Variants in ARAP2 observed in about 807,000 individuals in gnomAD.
The protein encoded by ARAP2 is ArfGAP with RhoGAP domain, ankyrin repeat and PH domain 2, also known as arf-GAP with Rho-GAP domain, ANK repeat and PH domain-containing protein 2.
In ARAP2, 148 loss-of-function variants were observed where a neutral mutation model predicts 194.5. The ratio of observed to expected loss-of-function variants is 0.76; its 90% CI spans 0.67 to 0.87. The LOEUF is 0.87. Ranked by LOEUF, ARAP2 falls within the 40% of genes least tolerant of loss-of-function variation. The pLI is 0.00. For synonymous variants in ARAP2, 695 were observed against 683.5 expected (o/e 1.02, Z -0.26); for missense variants, 2,128 against 1,989.7 (o/e 1.07, Z -1.32).
At chr4:36,172,062 A>G (rs966166880) in intron 9 of ARAP2, among the ~76,000 whole-genome samples, 1 of 152,240 alleles carries the variant, frequency 6.6e-6, no homozygotes, top group African/African-American at 2.4e-5. Flanking sequence ...GAGTTATAGT[A>G]TTATAGAAAG....
chr4:36,106,674 T>G (rs1186543510), intron 27 of ARAP2, among the ~76,000 whole-genome samples: 5 of 152,060 alleles, frequency 3.3e-5, no homozygotes, highest in African/African-American at 1.2e-4. Context: ...AATTCAATAC[T>G]TAGTAACTGA....
chr4:36,147,762 C>CA lies in ARAP2; in HGVS notation c.3001-17dup. On this transcript the variant is annotated splice_polypyrimidine_tract_variant and intron_variant, in intron 17 of 32. Coordinates refer to ENST00000303965, the MANE Select transcript of ARAP2 (RefSeq NM_015230.4). ...GAACAAAATGCTGTTAAAACAAATA[C>CA]AAAAAAGTAATAAAGACAGTGAAAA... is the stretch of plus-strand genomic sequence containing the variant. The CA allele has an allele frequency of 2.5e-6, 4 of 1,575,782 alleles. No individual in the cohort carries two copies. The highest frequency in any genetic ancestry group is 3.7e-5 in the Admixed American group (2 of 53,374).
At chr4:36,018,296 A>G (rs1212664522) in intron 6 of ARAP2, among the ~76,000 whole-genome samples, 1 of 152,130 alleles carries the variant, frequency 6.6e-6, no homozygotes, top group Non-Finnish European at 1.5e-5. Context: ...AGGGTTCTCA[A>G]TATTCTATGA....
intron 19 of ARAP2, among the ~76,000 whole-genome samples, chr4:36,135,084 T>A (rs1002754749): frequency 2.2e-4 from 33 of 151,766 alleles, no homozygotes; most frequent in Non-Finnish European, 4.7e-4. Flanking sequence ...TATCACTAGA[T>A]ACAAAGTTTG....
intron 27 of ARAP2, among the ~76,000 whole-genome samples, chr4:36,101,530 A>C (rs1356595465): frequency 6.6e-6 from 1 of 151,860 alleles, no homozygotes; most frequent in Non-Finnish European, 1.5e-5. Context: ...TGATATATTT[A>C]GTTTATATTC....
intron 1 of ARAP2, 71 bp from the exon 2 acceptor site, chr4:36,229,716 G>GA (rs904190143): frequency 6.1e-5 from 21 of 342,438 alleles, no homozygotes; most frequent in East Asian, 9.4e-5. Context: ...TACTTTCTCT[G>GA]AAAAAAACAG....
chr4:36,166,906 A>G (rs765729594), intron 10 of ARAP2, 26 bp downstream of exon 10: 1 of 1,456,002 alleles, frequency 6.9e-7, no homozygotes, highest in Non-Finnish European at 9.4e-7. Context: ...AGTAGTACGA[A>G]CACAAAATGT....
At position 36,165,071 on chromosome 4, in the gene ARAP2, T is replaced by C. The variant is rs112163750; in HGVS notation, c.2016A>G (p.Glu672=). The change falls in exon 11 of 33, where the codon GAA becomes GAG. Residue 672 remains glutamate (E), a synonymous_variant. Transcript: ENST00000303965. ...TTTCTGCTATTGATTGCTGCACAGC[T>C]TCAATCCAGTCTTGTTTCTCCTTTT... ...ETEKEKQDWI[E]AVQQSIAETL... is the part of the protein sequence containing the mutation. 6.2e-7 allele frequency: 1 copy of C among 1,614,114 alleles called. No individual in the cohort carries two copies. The highest frequency in any genetic ancestry group is 8.5e-7 in the Non-Finnish European group (1 of 1,179,950).
chr4:36,140,677 G>T (rs992049836), intron 19 of ARAP2, among the ~76,000 whole-genome samples: 7 of 151,644 alleles, frequency 4.6e-5, no homozygotes, highest in African/African-American at 1.7e-4. Context: ...ATGGAATAAG[G>T]TGATAGGAAA....
chr4:36,065,435 T>C (rs1032609715), downstream of ARAP2: 2 of 459,252 alleles, frequency 4.4e-6, no homozygotes, highest in African/African-American at 2.0e-5. Context: ...ATGCCACCAC[T>C]CTTTGCCCAG....
At position 36,017,134 on chromosome 4, in the gene ARAP2, T is replaced by G. The variant is rs539031177; in HGVS notation, n.751-1176A>C. Among the ~76,000 whole-genome samples the G allele has an allele frequency of 1.8e-4, 28 of 151,686 alleles. 2 individuals carry two copies. The highest frequency in any genetic ancestry group is 3.4e-3 in the Middle Eastern group (1 of 294). On this transcript the variant is annotated intron_variant and non_coding_transcript_variant, in intron 6 of 12. Transcript: ENST00000503225. ...TTAAATATATATATATACACATAATTTTCATGAAACTCATATTCAAATATA... is the reference window on the plus strand; with the variant it reads ...TTAAATATATATATATACACATAATGTTCATGAAACTCATATTCAAATATA...
At chr4:36,052,443 T>G (rs536847068) in intron 2 of ARAP2, among the ~76,000 whole-genome samples, 1 of 152,228 alleles carries the variant, frequency 6.6e-6, no homozygotes, top group African/African-American at 2.4e-5. Context: ...TTCAGTATTA[T>G]GAACAGTAGC....
intron 28 of ARAP2, among the ~76,000 whole-genome samples, chr4:36,089,497 T>C (rs1475897788): frequency 1.3e-5 from 2 of 152,108 alleles, no homozygotes; most frequent in Non-Finnish European, 2.9e-5. Context: ...TAACTTCATT[T>C]AAAAACTGAC....
At chr4:36,145,246 C>T (rs535784787) in intron 19 of ARAP2, among the ~76,000 whole-genome samples, 1 of 151,896 alleles carries the variant, frequency 6.6e-6, no homozygotes, top group East Asian at 1.9e-4. Flanking sequence ...TATCACAGCA[C>T]TATTCACAAG....
At chr4:36,205,905 G>T (rs1488247923) in intron 6 of ARAP2, among the ~76,000 whole-genome samples, 4 of 152,182 alleles carry the variant, frequency 2.6e-5, no homozygotes, top group African/African-American at 9.7e-5. Flanking sequence ...TTGGCACAAT[G>T]TTTACAAGTA....
chr4:36,170,655 A>C (rs1278985634), intron 9 of ARAP2, among the ~76,000 whole-genome samples: 1 of 152,036 alleles, frequency 6.6e-6, no homozygotes, highest in Non-Finnish European at 1.5e-5. Flanking sequence ...TATAGAGTGG[A>C]CTCTATAATT....
intron 2 of ARAP2, among the ~76,000 whole-genome samples, chr4:36,214,795 T>C (rs1747546895): frequency 6.6e-6 from 1 of 152,226 alleles, no homozygotes; most frequent in Non-Finnish European, 1.5e-5. Flanking sequence ...AAAGTAAACA[T>C]ATTTTTCCAA....
At chr4:36,186,479 A>C (rs1740598667) in intron 8 of ARAP2, among the ~76,000 whole-genome samples, 1 of 152,242 alleles carries the variant, frequency 6.6e-6, no homozygotes, top group Non-Finnish European at 1.5e-5. Flanking sequence ...AAAATCTACC[A>C]TAGAATGATT....
intron 5 of ARAP2, among the ~76,000 whole-genome samples, chr4:36,211,878 T>A (rs1217958456): frequency 6.6e-6 from 1 of 152,066 alleles, no homozygotes; most frequent in African/African-American, 2.4e-5. Flanking sequence ...TATCAGGTAA[T>A]GTGCCAGTAT....
Sources: gnomAD v4.1 joint callset for allele counts (sites outside exome capture counted in the v4.1 genomes callset) on GRCh38, gnomAD v4.1.1 for gene constraint, MANE v1.5 for transcripts, NCBI Gene and HGNC (gene_info 2026-07-23, HGNC 2026-07-21) for gene names.